DLC1: variants seen among roughly 807,000 people sequenced by gnomAD.
DLC1 encodes DLC1 Rho GTPase activating protein.
DLC1 carries 54 observed loss-of-function variants against 140.3 expected under a neutral mutation model. The observed-to-expected ratio is 0.38, with a 90% CI of 0.31 to 0.48. DLC1 has a LOEUF of 0.48. Among genes scored for constraint, DLC1 ranks in the 20% least tolerant of loss-of-function variants. The pLI is 0.96. For synonymous variants in DLC1, 986 were observed against 728.1 expected (o/e 1.35, Z -5.70); for missense variants, 2,536 against 1,907.0 (o/e 1.33, Z -6.14).
At chr8:13,196,345 A>G (rs543779027) in intron 5 of DLC1, among the ~76,000 whole-genome samples, 37 of 152,280 alleles carry the variant, frequency 2.4e-4, no homozygotes, top group Admixed American at 2.0e-4. Context: ...ATTTTTCTCT[A>G]TTCAAAGGGA....
At chr8:13,522,407 C>G (rs1341698058) in intron 1 of DLC1, among the ~76,000 whole-genome samples, 1 of 151,926 alleles carries the variant, frequency 6.6e-6, no homozygotes, top group Non-Finnish European at 1.5e-5. Flanking sequence ...GGAAGTTCAC[C>G]TGAGGTCAGG....
chr8:13,176,137 A>G (rs1349137642), intron 5 of DLC1, among the ~76,000 whole-genome samples: 2 of 152,182 alleles, frequency 1.3e-5, no homozygotes, highest in Non-Finnish European at 2.9e-5. Flanking sequence ...AAAATATATT[A>G]TAGTCAGGTC....
chr8:13,218,387 G>A (rs1828314822), intron 5 of DLC1, among the ~76,000 whole-genome samples: 1 of 152,146 alleles, frequency 6.6e-6, no homozygotes, highest in Admixed American at 6.5e-5. Flanking sequence ...GGATAAGCTG[G>A]ACTTCATCAA....
intron 2 of DLC1, among the ~76,000 whole-genome samples, chr8:13,453,422 A>ATATTTTTTTTTTTTTTTT (rs1554523043): frequency 3.1e-5 from 1 of 32,568 alleles, no homozygotes; most frequent in Admixed American, 5.1e-4. Context: ...ATATATATAT[A>ATATTTTTTTTTTTTTTTT]TGTGTATATA....
At chr8:13,386,002 T>G (rs1048780381) in intron 4 of DLC1, among the ~76,000 whole-genome samples, 12 of 152,350 alleles carry the variant, frequency 7.9e-5, no homozygotes, top group African/African-American at 2.6e-4. Context: ...TGAATTATAC[T>G]CTTGGTTGCT....
chr8:13,449,923 C>G (rs1798962991), intron 2 of DLC1, among the ~76,000 whole-genome samples: 1 of 151,840 alleles, frequency 6.6e-6, no homozygotes, highest in African/African-American at 2.4e-5. Flanking sequence ...GGGTTCTTAT[C>G]TAATTGAGGA....
At chr8:13,146,071 G>A (rs116975108) in intron 5 of DLC1, among the ~76,000 whole-genome samples, 2,045 of 152,048 alleles carry the variant, frequency 0.013, 20 homozygotes, top group Non-Finnish European at 0.021. Context: ...AAGGTAGATC[G>A]AGACCAGCCT....
chr8:13,126,290 C>T (rs921347845), intron 5 of DLC1, among the ~76,000 whole-genome samples: 16 of 151,954 alleles, frequency 1.1e-4, no homozygotes, highest in Non-Finnish European at 1.9e-4. Context: ...TGAATCATCA[C>T]ATCTTTCTGT....
intron 4 of DLC1, among the ~76,000 whole-genome samples, chr8:13,389,337 G>T (rs975062343): frequency 6.6e-6 from 1 of 152,102 alleles, no homozygotes; most frequent in African/African-American, 2.4e-5. Context: ...CCACTGAAGA[G>T]AGTGATATCA....
rs567523982 is a variant in DLC1 at position 13,480,251 on chromosome 8, A to G, written c.1023+18798T>C. Among the ~76,000 whole-genome samples the G allele has an allele frequency of 1.3e-4, 20 of 152,330 alleles. No homozygotes were observed. The East Asian group carries it at 3.9e-3, about 29-fold the overall frequency. On this transcript the variant is annotated intron_variant, in intron 2 of 17. Coordinates refer to ENST00000276297, the MANE Select transcript of DLC1 (RefSeq NM_182643.3). ...TAAAATATGAGCCAAACAAGGACCC[A>G]TAAAAGCTTAAAAATATATGCACGA... is the stretch of plus-strand genomic sequence containing the variant.
At chr8:13,332,899 T>G (rs1265427695) in intron 4 of DLC1, among the ~76,000 whole-genome samples, 1 of 152,140 alleles carries the variant, frequency 6.6e-6, no homozygotes, top group Non-Finnish European at 1.5e-5. Flanking sequence ...CTGAAATAGA[T>G]TCTTAAGAGT....
At chr8:13,181,498 C>A in intron 5 of DLC1, among the ~76,000 whole-genome samples, 1 of 149,758 alleles carries the variant, frequency 6.7e-6, no homozygotes, top group African/African-American at 2.5e-5. Flanking sequence ...CCCCCCACCC[C>A]ATGTCCGGTC....
intron 1 of DLC1, chr8:13,567,054 G>T: frequency 6.4e-7 from 1 of 1,551,730 alleles, no homozygotes; most frequent in Non-Finnish European, 8.7e-7. Flanking sequence ...TTTCTGATGA[G>T]ACTGAGACTT....
In DLC1 at chr8:13,115,655, T is replaced by A; in HGVS notation, c.1351A>T (p.Ile451Phe). 6.2e-7 allele frequency: 1 copy of A among 1,614,096 alleles called. No homozygotes were observed. The change falls in exon 6 of 18, where the codon ATT (isoleucine) becomes TTT (phenylalanine). Residue 451 changes from isoleucine (I) to phenylalanine (F), a missense_variant and splice_region_variant. Transcript: ENST00000276297. The part of the protein sequence containing the change: ...QGISEKEKAE[I>F]EAKEACDWLR... ...CAATCACAAGCTTCCTTGGCTTCAA[T>A]TTCTAGAACAGAACAGAAGAAAGAC...
chr8:13,431,612 G>A (rs930588197), intron 2 of DLC1, among the ~76,000 whole-genome samples: 6 of 151,164 alleles, frequency 4.0e-5, no homozygotes, highest in Non-Finnish European at 7.4e-5. Flanking sequence ...CAATGCCATG[G>A]CAAATATGGC....
At chr8:13,489,449 A>ACAC (rs56002951) in intron 2 of DLC1, among the ~76,000 whole-genome samples, 3 of 149,908 alleles carry the variant, frequency 2.0e-5, no homozygotes, top group South Asian at 2.1e-4. Context: ...ACACACACAC[A>ACAC]AAATGTTGCT....
In DLC1 at chr8:13,152,824, GAA is replaced by G. The variant is rs773483544; in HGVS notation, c.1349-37169_1349-37168del. 6.1e-3 allele frequency among the ~76,000 whole-genome samples: 555 copies of G among 91,344 alleles called. 15 individuals carry two copies. The highest frequency in any genetic ancestry group is 0.022 in the African/African-American group (527 of 23,658). 59.9% of individuals were successfully genotyped at this position (91,344 alleles called of 152,430 possible). ...AGACTGAGACCCTGTCTCTGGGGAA[GAA>G]AAAAAAAAAAAAAGCAACCAACCAT... On this transcript the variant is annotated intron_variant, in intron 5 of 17. Transcript: ENST00000276297.
intron 5 of DLC1, among the ~76,000 whole-genome samples, chr8:13,185,383 C>G (rs545629136): frequency 2.0e-5 from 3 of 151,516 alleles, no homozygotes; most frequent in Non-Finnish European, 4.4e-5. Context: ...TCTTGGCTCA[C>G]TGAAAGCTCC....
At chr8:13,537,686 C>G (rs561172052) in intron 1 of DLC1, among the ~76,000 whole-genome samples, 1 of 126,292 alleles carries the variant, frequency 7.9e-6, no homozygotes, top group South Asian at 2.6e-4. Context: ...CGGAGTCTCT[C>G]TCTGTCACCC....
Sources: allele counts gnomAD v4.1 joint callset (sites outside exome capture counted in the v4.1 genomes callset), GRCh38; gene constraint gnomAD v4.1.1; transcripts MANE v1.5; gene names NCBI Gene and HGNC (gene_info 2026-07-23, HGNC 2026-07-21).